Variants in ANO3 observed in about 807,000 individuals in gnomAD.
ANO3 encodes the protein anoctamin 3.
In ANO3, 99 loss-of-function variants were observed where a neutral mutation model predicts 144.8. The ratio of observed to expected loss-of-function variants is 0.68; its 90% CI spans 0.58 to 0.81. ANO3 has a LOEUF of 0.81. ANO3 is among the 30% of genes least tolerant of loss of function. ANO3 has a pLI of 0.00. For synonymous variants in ANO3, 414 were observed against 392.6 expected, an observed-to-expected ratio of 1.05 and a Z score of -0.64; for missense variants, 905 against 1,202.2, an observed-to-expected ratio of 0.75 and a Z score of 3.66.
intron 1 of ANO3, among the ~76,000 whole-genome samples, chr11:26,383,700 A>G (rs1191197103): frequency 6.6e-6 from 1 of 152,096 alleles, no homozygotes; most frequent in Non-Finnish European, 1.5e-5. Context: ...AGGGGTAAAA[A>G]TACAACATTC....
At chr11:26,389,201 GA>G (rs922312579) in intron 1 of ANO3, among the ~76,000 whole-genome samples, 1 of 151,896 alleles carries the variant, frequency 6.6e-6, no homozygotes, top group African/African-American at 2.4e-5. Flanking sequence ...TTTCTCTTAG[GA>G]AAAAAATGTG....
chr11:26,557,460 CAAAA>C (rs527754155), intron 13 of ANO3, among the ~76,000 whole-genome samples: 1 of 108,694 alleles, frequency 9.2e-6, no homozygotes, highest in Admixed American at 1.0e-4. Context: ...GACTCTGTCT[CAAAA>C]AAAAAAAAAA....
intron 1 of ANO3, among the ~76,000 whole-genome samples, chr11:26,289,420 CTAA>C (rs1327847458): frequency 2.7e-5 from 4 of 149,642 alleles, no homozygotes; most frequent in African/African-American, 7.3e-5. Flanking sequence ...AATAATCATT[CTAA>C]TAATAATAAT....
chr11:26,400,819 C>G (rs1470666373), intron 1 of ANO3, among the ~76,000 whole-genome samples: 1 of 149,204 alleles, frequency 6.7e-6, no homozygotes, highest in African/African-American at 2.5e-5. Flanking sequence ...TAGTGTTTAC[C>G]ATAGCCTATT....
intron 1 of ANO3, among the ~76,000 whole-genome samples, chr11:26,375,024 G>A (rs1219190759): frequency 2.0e-5 from 3 of 152,156 alleles, no homozygotes; most frequent in African/African-American, 2.4e-5. Context: ...GATTACAGGC[G>A]TGAGCCACCA....
intron 1 of ANO3, among the ~76,000 whole-genome samples, chr11:26,375,827 C>A (rs1312216018): frequency 6.6e-6 from 1 of 151,976 alleles, no homozygotes; most frequent in Non-Finnish European, 1.5e-5. Context: ...ATTCCCAAGA[C>A]CCCATGAAAA....
chr11:26,319,144 CATT>C (rs376211456), intron 1 of ANO3, among the ~76,000 whole-genome samples: 19 of 150,820 alleles, frequency 1.3e-4, no homozygotes, highest in African/African-American at 4.6e-4. Context: ...TTCCAGATAA[CATT>C]ATTATTATTA....
chr11:26,569,943 C>CT (rs991362010), intron 14 of ANO3, among the ~76,000 whole-genome samples: 3 of 151,774 alleles, frequency 2.0e-5, no homozygotes, highest in African/African-American at 7.3e-5. Context: ...ATCTTTGCCT[C>CT]TTTTTGCATC....
intron 13 of ANO3, 21 bp from the exon 14 acceptor site, chr11:26,559,698 T>C (rs1325111599): frequency 6.3e-7 from 1 of 1,585,754 alleles, no homozygotes. Flanking sequence ...TGACTAATAT[T>C]TCTGTTTGTT....
At chr11:26,559,874 ACC>A in intron 14 of ANO3, 95 bp downstream of exon 14, 1 of 755,024 alleles carries the variant, frequency 1.3e-6, no homozygotes, top group South Asian at 1.8e-5. Context: ...ACACACACAC[ACC>A]ATGAATCAAT....
In ANO3 at chr11:26,597,574, C is replaced by T. The variant is rs551033692; in HGVS notation, c.1448-791C>T. 3.9e-5 allele frequency among the ~76,000 whole-genome samples: 6 copies of T among 152,096 alleles called. No homozygotes were observed. In the East Asian group the frequency reaches 5.8e-4, roughly 15 times the overall value. ...GTGGACAGCAAGCAAAAGCTCAGCT[C>T]GAGCCGTAACAAACACGGACCAGAA... On this transcript the variant is annotated intron_variant, in intron 14 of 26. Transcript: ENST00000256737.
chr11:26,424,825 G>A (rs564653685), intron 1 of ANO3, among the ~76,000 whole-genome samples: 12 of 151,926 alleles, frequency 7.9e-5, no homozygotes, highest in Non-Finnish European at 1.8e-4. Flanking sequence ...GAACTGTATG[G>A]TGTTTTAGTA....
chr11:26,327,025 C>T (rs1854902422), intron 1 of ANO3, among the ~76,000 whole-genome samples: 3 of 152,108 alleles, frequency 2.0e-5, no homozygotes. Context: ...GAAATAAAGT[C>T]ATGAAGCTAT....
chr11:26,194,448 G>GTGTGTGTATA (rs71047838), intron 1 of ANO3, among the ~76,000 whole-genome samples: 1 of 136,894 alleles, frequency 7.3e-6, no homozygotes, highest in Non-Finnish European at 1.6e-5. Context: ...TGGTGTGTGT[G>GTGTGTGTATA]TGTGTGTGTG....
intron 1 of ANO3, among the ~76,000 whole-genome samples, chr11:26,244,974 G>GGTGT (rs61543573): frequency 0.016 from 1,971 of 121,654 alleles, 44 homozygotes; most frequent in East Asian, 0.072. Context: ...CTGGTCTCCT[G>GGTGT]GTGTGTGTGT....
intron 1 of ANO3, among the ~76,000 whole-genome samples, chr11:26,344,372 T>TA (rs1855446148): frequency 6.6e-6 from 1 of 150,414 alleles, no homozygotes; most frequent in Non-Finnish European, 1.5e-5. Flanking sequence ...TATTGTCTTT[T>TA]TTTTTTTTTT....
intron 1 of ANO3, among the ~76,000 whole-genome samples, chr11:26,204,285 T>C (rs1851754273): frequency 6.6e-6 from 1 of 152,116 alleles, no homozygotes; most frequent in South Asian, 2.1e-4. Flanking sequence ...TCAATATGTC[T>C]GGAGTTCATT....
intron 1 of ANO3, among the ~76,000 whole-genome samples, chr11:26,256,775 G>GAA (rs1853067517): frequency 6.6e-6 from 1 of 151,922 alleles, no homozygotes; most frequent in African/African-American, 2.4e-5. Flanking sequence ...CTTTTACAGG[G>GAA]TAAATTTAAA....
chr11:26,322,892 G>T (rs1045719312), intron 1 of ANO3, among the ~76,000 whole-genome samples: 1 of 151,960 alleles, frequency 6.6e-6, no homozygotes, highest in African/African-American at 2.4e-5. Context: ...ATTTGGAATT[G>T]TTCTGCATGG....
Sources: allele counts gnomAD v4.1 joint callset (sites outside exome capture counted in the v4.1 genomes callset), GRCh38; gene constraint gnomAD v4.1.1; transcripts MANE v1.5; gene names NCBI Gene and HGNC (gene_info 2026-07-23, HGNC 2026-07-21).